MEGF8: variants seen among roughly 807,000 people sequenced by gnomAD.
MEGF8 encodes multiple EGF like domains 8.
A neutral mutation model predicts 302.9 loss-of-function variants in MEGF8; 156 were observed. The ratio of observed to expected loss-of-function variants is 0.52; its 90% CI spans 0.45 to 0.59. The LOEUF is 0.59. Among genes scored for constraint, MEGF8 ranks in the 20% least tolerant of loss-of-function variants. The probability of loss-of-function intolerance (pLI) is 0.00; values close to 1 mark genes in which losing one functional copy is unlikely to be tolerated. For synonymous variants in MEGF8, 1,621 were observed against 1,660.5 expected (o/e 0.98, Z 0.58); for missense variants, 3,345 against 3,964.5 (o/e 0.84, Z 4.20).
In MEGF8 at chr19:42,368,123, G is replaced by T. The variant is rs1367477073; in HGVS notation, c.6274-332G>T. ...TGTAGAGATGGTGTCTCACTGTGCT[G>T]CCCAGGCTGGTCTGGAACTCTTGGG... On this transcript the variant is annotated intron_variant, in intron 35 of 41. Coordinates refer to ENST00000251268, the MANE Select transcript of MEGF8 (RefSeq NM_001271938.2). The surrounding 1 kb of genome is among the most constrained non-coding windows in gnomAD (Gnocchi z 4.9). Among the ~76,000 whole-genome samples, 1 of 152,076 alleles carries T rather than the reference G, an allele frequency of 6.6e-6. No individual in the cohort carries two copies. The highest frequency in any genetic ancestry group is 1.5e-5 in the Non-Finnish European group (1 of 68,022).
intron 8 of MEGF8, among the ~76,000 whole-genome samples, chr19:42,341,615 A>C (rs1254670862): frequency 6.6e-6 from 1 of 151,876 alleles, no homozygotes; most frequent in Non-Finnish European, 1.5e-5. Flanking sequence ...TAAATAAAAT[A>C]TTTTTGTTTT....
intron 15 of MEGF8, chr19:42,350,997 A>C: frequency 1.7e-6 from 1 of 583,624 alleles, no homozygotes; most frequent in Non-Finnish European, 3.1e-6. Context: ...CGGACCACAC[A>C]GAAGGGGTGC....
Position 42,357,410 on chromosome 19 carries a change from C to G in MEGF8, c.4837C>G (p.Gln1613Glu), listed in dbSNP as rs927269746. The change falls in exon 28 of 42, where the codon CAG becomes GAG. Residue 1613 changes from glutamine to glutamate, a missense_variant. Coordinates refer to ENST00000251268, the MANE Select transcript of MEGF8 (RefSeq NM_001271938.2). This position sits in a 1 kb window ranked among gnomAD's most constrained non-coding sequence, Gnocchi z 5.2. ...TLQWRQEKAP[Q>E]TVELPAVAGH... Reference sequence around the variant, plus strand: ...TTGCCCCTCCATCCCTCAGGCCCCCCAGACCGTGGAGCTGCCAGCCGTTGC... The same window carrying G: ...TTGCCCCTCCATCCCTCAGGCCCCCGAGACCGTGGAGCTGCCAGCCGTTGC... 6.2e-7 allele frequency: 1 copy of G among 1,613,098 alleles called. No homozygotes were observed. Among genetic ancestry groups the G allele is most frequent in the Non-Finnish European group, 8.5e-7 (1 of 1,179,382 alleles).
In MEGF8 at chr19:42,335,784, T is replaced by A. The variant is rs568837463; in HGVS notation, c.829-147T>A. ...TTCTATGAGTCTGTCTCTTCTTTTC[T>A]CTCTCTGCCGGTCTCTGCCTTTCTC... On this transcript the variant is annotated intron_variant, in intron 5 of 41. Coordinates refer to ENST00000251268, the MANE Select transcript of MEGF8 (RefSeq NM_001271938.2). The A allele has an allele frequency of 1.2e-4, 91 of 735,726 alleles. 2 individuals carry two copies. In the South Asian group the frequency reaches 2.0e-3, roughly 16 times the overall value. 45.6% of individuals were successfully genotyped at this position (735,726 alleles called of 1,614,324 possible).
chr19:42,363,283 CG>C, intron 35 of MEGF8, 21 bp downstream of exon 35: 1 of 1,566,882 alleles, frequency 6.4e-7, no homozygotes, highest in Non-Finnish European at 8.7e-7. Flanking sequence ...TGGCCAGGAC[CG>C]TGCCAGGCAA....
chr19:42,341,180 C>G (rs1419601154), intron 8 of MEGF8, among the ~76,000 whole-genome samples: 1 of 152,034 alleles, frequency 6.6e-6, no homozygotes, highest in Non-Finnish European at 1.5e-5. Flanking sequence ...TCCTGTAATG[C>G]CAGCACTTTG....
At chr19:42,373,250 C>A (rs1245515090) in intron 41 of MEGF8, among the ~76,000 whole-genome samples, 1 of 151,450 alleles carries the variant, frequency 6.6e-6, no homozygotes, top group Non-Finnish European at 1.5e-5. Context: ...GTACCACCAC[C>A]CCCCGCTAAT....
rs776088375 is a variant in MEGF8 at position 42,358,118 on chromosome 19, C to G, written c.5012-26C>G. On this transcript the variant is annotated intron_variant, in intron 28 of 41. Transcript: ENST00000251268. This position sits in a 1 kb window ranked among gnomAD's most constrained non-coding sequence, Gnocchi z 4.4. ...TCAGTGCTGTTGTCAGCCCCTCCCC[C>G]AGCCTGTCACCCTGCCCCTCACCAG... 8.6e-6 allele frequency: 13 copies of G among 1,520,178 alleles called. No individual in the cohort carries two copies. In the South Asian group the frequency reaches 1.5e-4, roughly 18 times the overall value. The allele number at this position is 1,520,178 out of a possible 1,614,324, so 94.2% of individuals were successfully genotyped here. A position where few individuals can be genotyped will look rare whatever the true frequency, so the allele number is the denominator to read the frequency against.
Position 42,357,804 on chromosome 19 carries a change from C to T in MEGF8, c.5011+220C>T, listed in dbSNP as rs759949568. On this transcript the variant is annotated intron_variant, in intron 28 of 41. Transcript: ENST00000251268. This position sits in a 1 kb window ranked among gnomAD's most constrained non-coding sequence, Gnocchi z 5.2. ...CCCACTCCCGGCCACATGTGGCCACCGTCCCCTGCCCCCAGGGTCTGAGCT... is the reference window on the plus strand; with the variant it reads ...CCCACTCCCGGCCACATGTGGCCACTGTCCCCTGCCCCCAGGGTCTGAGCT... 1.3e-5 allele frequency among the ~76,000 whole-genome samples: 2 copies of T among 152,174 alleles called. No individual in the cohort carries two copies. Among genetic ancestry groups the T allele is most frequent in the African/African-American group, 2.4e-5 (1 of 41,450 alleles).
chr19:42,333,993 C>T lies in MEGF8; in HGVS notation c.352-14C>T, dbSNP rs2039089290. On this transcript the variant is annotated splice_polypyrimidine_tract_variant and intron_variant, in intron 2 of 41. Transcript: ENST00000251268. The stretch of plus-strand genomic sequence containing the variant: ...GGCCCTGCCCACCTTACCCAGCACA[C>T]CTTGTGCCCGCAGATGCTGCTGCAC... 1 of 1,610,676 alleles carries T rather than the reference C, an allele frequency of 6.2e-7. No homozygotes were observed. The highest frequency in any genetic ancestry group is 1.3e-5 in the African/African-American group (1 of 74,894).
chr19:42,337,581 C>G (rs893809764), intron 8 of MEGF8, among the ~76,000 whole-genome samples: 3 of 150,296 alleles, frequency 2.0e-5, no homozygotes, highest in Non-Finnish European at 4.4e-5. Context: ...TCTCAGCTCA[C>G]TGCAGGCTCC....
chr19:42,351,601 A>G lies in MEGF8; in HGVS notation c.2987+41A>G. On this transcript the variant is annotated intron_variant, in intron 17 of 41. Coordinates refer to ENST00000251268, the MANE Select transcript of MEGF8 (RefSeq NM_001271938.2). The surrounding 1 kb of genome is among the most constrained non-coding windows in gnomAD (Gnocchi z 5.6). Reference sequence around the variant, plus strand: ...CAGGGCTAACAGAGGAAGATTCCCCACCGGCAAGGGGCTGGGGCTCTGACC... The same window carrying G: ...CAGGGCTAACAGAGGAAGATTCCCCGCCGGCAAGGGGCTGGGGCTCTGACC... The G allele has an allele frequency of 1.7e-5, 28 of 1,602,372 alleles. No homozygotes were observed. Among genetic ancestry groups the G allele is most frequent in the Non-Finnish European group, 2.4e-5 (28 of 1,174,880 alleles).
chr19:42,344,169 C>A lies in MEGF8; in HGVS notation c.1788+96C>A. The A allele has an allele frequency of 6.8e-7, 1 of 1,462,176 alleles. No homozygotes were observed. The highest frequency in any genetic ancestry group is 9.1e-7 in the Non-Finnish European group (1 of 1,096,054). The allele number at this position is 1,462,176 out of a possible 1,614,324, so 90.6% of individuals were successfully genotyped here. A position where few individuals can be genotyped will look rare whatever the true frequency, so the allele number is the denominator to read the frequency against. On this transcript the variant is annotated intron_variant, in intron 10 of 41. Coordinates refer to ENST00000251268, the MANE Select transcript of MEGF8 (RefSeq NM_001271938.2). This position sits in a 1 kb window ranked among gnomAD's most constrained non-coding sequence, Gnocchi z 4.5. ...CAGATGGACAAGAACTTTCCCTCAA[C>A]TGGGAGACTTGTTTTCATGCCGGAG...
rs368927835 is a variant in MEGF8 at position 42,369,417 on chromosome 19, C to T, written c.6642-114C>T. On this transcript the variant is annotated intron_variant, in intron 37 of 41. Coordinates refer to ENST00000251268, the MANE Select transcript of MEGF8 (RefSeq NM_001271938.2). This position sits in a 1 kb window ranked among gnomAD's most constrained non-coding sequence, Gnocchi z 5.7. ...TCCTGAAGAGAAGATAGCAACGGGA[C>T]AGAGCAGGGATGAGCAACCAGTTGA... 14 of 1,070,496 alleles carry T rather than the reference C, an allele frequency of 1.3e-5. No individual in the cohort carries two copies. The highest frequency in any genetic ancestry group is 3.1e-4 in the Middle Eastern group (1 of 3,176). 66.3% of individuals were successfully genotyped at this position (1,070,496 alleles called of 1,614,324 possible).
At chr19:42,374,299 C>G (rs1204631903) in intron 41 of MEGF8, among the ~76,000 whole-genome samples, 1 of 151,876 alleles carries the variant, frequency 6.6e-6, no homozygotes, top group Non-Finnish European at 1.5e-5. Context: ...GGTGAAACCC[C>G]TTCTCTACTA....
At position 42,354,621 on chromosome 19, in the gene MEGF8, C is replaced by A; in HGVS notation, c.4045C>A (p.Arg1349Ser). 6.2e-7 allele frequency: 1 copy of A among 1,613,114 alleles called. No individual in the cohort carries two copies. Among genetic ancestry groups the A allele is most frequent in the South Asian group, 1.1e-5 (1 of 91,068 alleles). The change falls in exon 23 of 42, where the codon CGC becomes AGC. Residue 1349 changes from arginine (R) to serine (S), a missense_variant. By Grantham distance (110) the Arg-to-Ser change is moderately radical. Transcript: ENST00000251268. The surrounding 1 kb of genome is among the most constrained non-coding windows in gnomAD (Gnocchi z 4.3). ...CGTCCTGGCGTTTGATGGATTCCCA[C>A]GCTTCCTGGACACTGGTGTTGTCCA... is the stretch of plus-strand genomic sequence containing the variant. ...SYVLAFDGFP[R>S]FLDTGVVQSD... is the part of the protein sequence containing the mutation.
Position 42,369,089 on chromosome 19 carries a change from AG to A in MEGF8, c.6641+89del. ...TAATGGATGAGGCCTAGAGCCAAGC[AG>A]GACAGAAGAAAAGAAAGCTCGAGGC... On this transcript the variant is annotated intron_variant, in intron 37 of 41. Transcript: ENST00000251268. The surrounding 1 kb of genome is among the most constrained non-coding windows in gnomAD (Gnocchi z 5.7). 6.7e-7 allele frequency: 1 copy of A among 1,503,270 alleles called. No individual in the cohort carries two copies. Among genetic ancestry groups the A allele is most frequent in the Non-Finnish European group, 8.9e-7 (1 of 1,122,126 alleles). The allele number at this position is 1,503,270 out of a possible 1,614,324, so 93.1% of individuals were successfully genotyped here. A position where few individuals can be genotyped will look rare whatever the true frequency, so the allele number is the denominator to read the frequency against.
In MEGF8 at chr19:42,370,845, G is replaced by A. The variant is rs1220469499; in HGVS notation, c.7136+14G>A. On this transcript the variant is annotated intron_variant, in intron 40 of 41. Coordinates refer to ENST00000251268, the MANE Select transcript of MEGF8 (RefSeq NM_001271938.2). ...GAAGTGCACCAAGTAAGAGGAACCG[G>A]GGGGGGGGGGGGGGGGGGGGGGGGG... The A allele has an allele frequency of 2.1e-5, 2 of 93,780 alleles. No individual in the cohort carries two copies. Among genetic ancestry groups the A allele is most frequent in the East Asian group, 4.0e-4 (2 of 5,010 alleles). 5.8% of individuals were successfully genotyped at this position (93,780 alleles called of 1,614,324 possible).
intron 1 of MEGF8, 107 bp from the exon 2 acceptor site, chr19:42,333,498 C>A: frequency 7.8e-7 from 1 of 1,273,998 alleles, no homozygotes; most frequent in Non-Finnish European, 1.1e-6. Flanking sequence ...TTCTTGAGCC[C>A]CCAGCATCAC....
Sources: allele counts gnomAD v4.1 joint callset (sites outside exome capture counted in the v4.1 genomes callset), GRCh38; gene constraint gnomAD v4.1.1; non-coding constraint Gnocchi (gnomAD v3.1); transcripts MANE v1.5; gene names NCBI Gene and HGNC (gene_info 2026-07-23, HGNC 2026-07-21).